Variants in ECPAS observed in about 807,000 individuals in gnomAD.
ECPAS encodes the protein Ecm29 proteasome adaptor and scaffold, also known as proteasome adapter and scaffold protein ECM29.
A neutral mutation model predicts 255.1 loss-of-function variants in ECPAS; 70 were observed. That is an observed-to-expected ratio of 0.27 (90% CI 0.23 to 0.33). The LOEUF is 0.33. ECPAS is among the 10% of genes least tolerant of loss of function. The pLI, the probability that ECPAS is intolerant of heterozygous loss-of-function variation, is 1.00. For synonymous variants in ECPAS, 784 were observed against 775.0 expected, an observed-to-expected ratio of 1.01 and a Z score of -0.19; for missense variants, 1,817 against 2,206.4, an observed-to-expected ratio of 0.82 and a Z score of 3.54.
intron 1 of ECPAS, chr9:111,483,655 A>T: frequency 5.2e-6 from 1 of 191,764 alleles, no homozygotes; most frequent in Non-Finnish European, 9.3e-6. Context: ...CTCGGCGCGG[A>T]CCGCGCTGTG....
chr9:111,399,491 C>T (rs1014622947), intron 24 of ECPAS, among the ~76,000 whole-genome samples: 11 of 152,200 alleles, frequency 7.2e-5, no homozygotes, highest in Non-Finnish European at 1.6e-4. Context: ...AACACCCGGT[C>T]ACAGCATCAG....
At position 111,449,758 on chromosome 9, in the gene ECPAS, T is replaced by C. The variant is rs111768970; in HGVS notation, c.153+1667A>G. Among the ~76,000 whole-genome samples, 21 of 152,320 alleles carry C rather than the reference T, an allele frequency of 1.4e-4. 1 individual carries two copies. The highest frequency in any genetic ancestry group is 4.1e-4 in the African/African-American group (17 of 41,564). On this transcript the variant is annotated intron_variant, in intron 3 of 49. Coordinates refer to ENST00000684092, the MANE Select transcript of ECPAS (RefSeq NM_001364929.1). ...TTTCTCCAGCCAACAGCTAGAGTGA[T>C]GGAGGCACTACCATCAATACCCTTT...
intron 18 of ECPAS, among the ~76,000 whole-genome samples, chr9:111,415,158 C>A (rs2098201272): frequency 6.6e-6 from 1 of 151,782 alleles, no homozygotes; most frequent in Non-Finnish European, 1.5e-5. Context: ...ATATAACAAA[C>A]CTTCACATGT....
chr9:111,373,318 A>C lies in ECPAS; in HGVS notation c.4266T>G (p.Val1422=). The stretch of plus-strand genomic sequence containing the variant: ...CTAAGCAAGAAATTTAACTCACCCG[A>C]ACTAAATGGCCCATAGCAAATGCAC... ...KSCAFAMGHL[V]RTSRDSSTEK... is the part of the protein sequence containing the mutation. Residue 1422 remains valine, a synonymous_variant, in exon 40 of 50, where the codon GTT becomes GTG. Transcript: ENST00000684092. 2 of 1,613,746 alleles carry C rather than the reference A, an allele frequency of 1.2e-6. No individual in the cohort carries two copies. The highest frequency in any genetic ancestry group is 1.7e-6 in the Non-Finnish European group (2 of 1,179,698).
intron 31 of ECPAS, among the ~76,000 whole-genome samples, chr9:111,386,981 T>C (rs1434781976): frequency 1.3e-5 from 2 of 152,256 alleles, no homozygotes; most frequent in African/African-American, 4.8e-5. Flanking sequence ...TATTTCACTA[T>C]ACTGCAGACC....
intron 25 of ECPAS, among the ~76,000 whole-genome samples, chr9:111,396,671 C>T (rs1448478772): frequency 1.3e-5 from 2 of 152,206 alleles, no homozygotes. Context: ...CAGGCCTCAG[C>T]CTCCCGAGTA....
At chr9:111,433,457 G>T in intron 7 of ECPAS, 85 bp from the exon 8 acceptor site, 1 of 1,427,622 alleles carries the variant, frequency 7.0e-7, no homozygotes, top group Non-Finnish European at 9.7e-7. Flanking sequence ...TATCAGTGTG[G>T]TCACAAGCCA....
At chr9:111,366,148 A>G (rs1315548160) in intron 48 of ECPAS, 91 bp downstream of exon 48, 22 of 804,660 alleles carry the variant, frequency 2.7e-5, no homozygotes, top group Non-Finnish European at 4.5e-5. Context: ...TCAGAAATTT[A>G]GTTCCTAAGA....
At chr9:111,477,353 C>T in intron 1 of ECPAS, among the ~76,000 whole-genome samples, 2 of 152,064 alleles carry the variant, frequency 1.3e-5, no homozygotes, top group Non-Finnish European at 2.9e-5. Context: ...CTCAACTTAT[C>T]CCCCAGCCTC....
intron 10 of ECPAS, among the ~76,000 whole-genome samples, chr9:111,426,843 C>T (rs1324825623): frequency 6.6e-6 from 1 of 152,034 alleles, no homozygotes; most frequent in Non-Finnish European, 1.5e-5. Flanking sequence ...TGGCACATGC[C>T]TGTAGTCCCA....
chr9:111,430,789 C>T (rs1227536821), intron 8 of ECPAS, among the ~76,000 whole-genome samples, 161 bp from the exon 9 acceptor site: 2 of 152,186 alleles, frequency 1.3e-5, no homozygotes, highest in Admixed American at 6.5e-5. Context: ...AAGAAAGGGA[C>T]TAATTTCTAT....
At chr9:111,429,193 A>G (rs1284499528) in intron 9 of ECPAS, among the ~76,000 whole-genome samples, 3 of 151,766 alleles carry the variant, frequency 2.0e-5, no homozygotes, top group Non-Finnish European at 4.4e-5. Flanking sequence ...TTGCCTGTCT[A>G]CTCTTCAAGT....
chr9:111,440,617 G>C, intron 5 of ECPAS, 96 bp from the exon 6 acceptor site: 1 of 873,216 alleles, frequency 1.1e-6, no homozygotes, highest in Non-Finnish European at 1.7e-6. Flanking sequence ...ACAAAAACTG[G>C]CAGTTTTAAG....
intron 1 of ECPAS, among the ~76,000 whole-genome samples, chr9:111,473,729 G>A (rs2132092691): frequency 6.6e-6 from 1 of 152,356 alleles, no homozygotes; most frequent in Admixed American, 6.5e-5. Flanking sequence ...CACTCTGAGA[G>A]GCCGAGGAGG....
At position 111,389,593 on chromosome 9, in the gene ECPAS, G is replaced by C. The variant is rs1407484235; in HGVS notation, c.3410C>G (p.Thr1137Arg). The change falls in exon 31 of 50, where the codon ACA becomes AGA. Residue 1137 changes from threonine (T) to arginine (R), a missense_variant. Physicochemically the swap from Thr to Arg is moderately conservative, Grantham distance 71 (BLOSUM62 -1). This residue lies in a region of ECPAS where 960 missense variants were observed against 1,179.0 expected (regional missense o/e 0.81). Transcript: ENST00000684092. ...AGTGACCAACGCATTCCAAATACTT[G>C]TCATGGCCTGTCGAATGCCAAGGTT... ...DPNLGIRQAMTSIWNALVTDK... is the reference protein window; with the variant it reads ...DPNLGIRQAMRSIWNALVTDK... 3 of 1,613,670 alleles carry C rather than the reference G, an allele frequency of 1.9e-6. No individual in the cohort carries two copies. The highest frequency in any genetic ancestry group is 2.5e-6 in the Non-Finnish European group (3 of 1,179,808).
At chr9:111,451,053 T>C (rs2098259664) in intron 3 of ECPAS, among the ~76,000 whole-genome samples, 1 of 152,268 alleles carries the variant, frequency 6.6e-6, no homozygotes, top group Non-Finnish European at 1.5e-5. Flanking sequence ...TTATTTTGCT[T>C]ACTTTTAGTT....
intron 24 of ECPAS, among the ~76,000 whole-genome samples, chr9:111,402,858 A>G (rs2098178239): frequency 6.6e-6 from 1 of 152,178 alleles, no homozygotes; most frequent in Non-Finnish European, 1.5e-5. Context: ...CTATGAGAAA[A>G]AATCATTTAT....
rs1057097538 is a variant in ECPAS at position 111,370,308 on chromosome 9, C to T, written c.4974+127G>A. On this transcript the variant is annotated intron_variant, in intron 45 of 49. Coordinates refer to ENST00000684092, the MANE Select transcript of ECPAS (RefSeq NM_001364929.1). The stretch of plus-strand genomic sequence containing the variant: ...TAGCATTGACTATCTTGTTTAAGGC[C>T]GTATTTTGGAATTTCTCTGCTACTT... 8 of 624,144 alleles carry T rather than the reference C, an allele frequency of 1.3e-5. No individual in the cohort carries two copies. The African/African-American group carries it at 1.3e-4, about 10-fold the overall frequency. 38.7% of individuals were successfully genotyped at this position (624,144 alleles called of 1,614,324 possible).
In ECPAS at chr9:111,391,817, G is replaced by C; in HGVS notation, c.3100C>G (p.His1034Asp). The C allele has an allele frequency of 6.2e-7, 1 of 1,601,882 alleles. No homozygotes were observed. Among genetic ancestry groups the C allele is most frequent in the Non-Finnish European group, 8.5e-7 (1 of 1,172,174 alleles). ...ETLMTGKRVK[H>D]EVSGETVVFQ... ...ACCACTGTCTCTCCAGAAACTTCAT[G>C]TTTAACTCTAAACCAAAACAATAAT... Residue 1034 changes from histidine (H) to aspartate (D), a missense_variant, in exon 29 of 50, where the codon CAT becomes GAT. This residue lies in a region of ECPAS where 960 missense variants were observed against 1,179.0 expected (regional missense o/e 0.81). Transcript: ENST00000684092.
Sources: gnomAD v4.1 joint callset for allele counts (sites outside exome capture counted in the v4.1 genomes callset) on GRCh38, gnomAD v4.1.1 for gene constraint, gnomAD v4.1.1 regional missense constraint, MANE v1.5 for transcripts, NCBI Gene and HGNC (gene_info 2026-07-23, HGNC 2026-07-21) for gene names.